UTRN: variants seen among roughly 807,000 people sequenced by gnomAD.
UTRN encodes the protein dystrophin-related protein 1.
A neutral mutation model predicts 463.9 loss-of-function variants in UTRN; 283 were observed. The observed-to-expected ratio is 0.61, with a 90% CI of 0.55 to 0.67. The LOEUF is 0.67. UTRN is among the 30% of genes least tolerant of loss of function. The pLI, the probability that UTRN is intolerant of heterozygous loss-of-function variation, is 0.00. For synonymous variants in UTRN, 1,442 were observed against 1,431.5 expected (o/e 1.01, Z -0.17); for missense variants, 3,922 against 4,084.3 (o/e 0.96, Z 1.08).
chr6:144,392,301 T>G (rs1482600304), intron 2 of UTRN, among the ~76,000 whole-genome samples: 5 of 152,214 alleles, frequency 3.3e-5, no homozygotes, highest in African/African-American at 4.8e-5. Flanking sequence ...GGAGAGGATT[T>G]AGTCTTATAA....
intron 51 of UTRN, among the ~76,000 whole-genome samples, chr6:144,670,296 T>A (rs180848057): frequency 4.8e-4 from 73 of 152,258 alleles, no homozygotes; most frequent in African/African-American, 1.5e-3. Flanking sequence ...TCTATTTTTT[T>A]TTATTTTTTA....
At chr6:144,454,510 G>T (rs560232243) in intron 19 of UTRN, among the ~76,000 whole-genome samples, 45 of 152,004 alleles carry the variant, frequency 3.0e-4, no homozygotes, top group African/African-American at 8.9e-4. Context: ...CATGTACGTT[G>T]GTCTAATAAT....
At chr6:144,797,351 G>A (rs186315270) in intron 63 of UTRN, among the ~76,000 whole-genome samples, 1 of 152,234 alleles carries the variant, frequency 6.6e-6, no homozygotes, top group Admixed American at 6.5e-5. Flanking sequence ...ACAAGGCCCA[G>A]CTAATTTTGT....
At chr6:144,577,480 A>G (rs1406511232) in intron 51 of UTRN, among the ~76,000 whole-genome samples, 192 bp downstream of exon 51, 1 of 152,202 alleles carries the variant, frequency 6.6e-6, no homozygotes. Context: ...TAGAGGGGAA[A>G]AAACCCACCT....
intron 53 of UTRN, among the ~76,000 whole-genome samples, chr6:144,726,132 A>C (rs749661316): frequency 2.7e-4 from 41 of 152,126 alleles, no homozygotes; most frequent in Non-Finnish European, 5.1e-4. Flanking sequence ...GAGACCTGAC[A>C]ATGATACATT....
At chr6:144,775,604 C>T (rs973010176) in intron 60 of UTRN, among the ~76,000 whole-genome samples, 26 of 152,104 alleles carry the variant, frequency 1.7e-4, no homozygotes, top group Admixed American at 1.4e-3. Flanking sequence ...GTTTGGTCTG[C>T]GCAGGAGTCC....
At position 144,458,979 on chromosome 6, in the gene UTRN, C is replaced by T; in HGVS notation, c.2494C>T (p.Gln832Ter). ...KHTSISESSR[Q>*]SLPSLKDSCQ... ...CACTTCCATTTCTGAATCTTCCCGG[C>T]AGTCCTTGCCAAGCTTGAAGGATTC... The change falls in exon 20 of 75, where the codon CAG becomes TAG. Residue 832 changes from glutamine to a stop codon, truncating the protein, a stop_gained. Transcript: ENST00000367545. LOFTEE classifies it high-confidence loss of function. 1 of 1,607,274 alleles carries T rather than the reference C, an allele frequency of 6.2e-7. No homozygotes were observed. Among genetic ancestry groups the T allele is most frequent in the Non-Finnish European group, 8.5e-7 (1 of 1,177,766 alleles).
chr6:144,308,438 T>C (rs60482526), intron 2 of UTRN, among the ~76,000 whole-genome samples: 12,001 of 152,112 alleles, frequency 0.079, 1,594 homozygotes, highest in African/African-American at 0.27. Flanking sequence ...TATAGGCATG[T>C]GCCACCACGC....
chr6:144,405,616 G>T (rs1230836853), intron 3 of UTRN, among the ~76,000 whole-genome samples: 1 of 152,108 alleles, frequency 6.6e-6, no homozygotes, highest in Non-Finnish European at 1.5e-5. Context: ...CTACAGTGTG[G>T]GTTCCTAAAC....
intron 42 of UTRN, among the ~76,000 whole-genome samples, chr6:144,532,513 A>T (rs998664717): frequency 6.6e-6 from 1 of 152,068 alleles, no homozygotes; most frequent in Non-Finnish European, 1.5e-5. Flanking sequence ...GAGGGTAACC[A>T]CCCCTGTGAT....
chr6:144,628,469 T>G (rs75757956), intron 51 of UTRN, among the ~76,000 whole-genome samples: 3,085 of 152,268 alleles, frequency 0.02, 94 homozygotes, highest in African/African-American at 0.066. Context: ...TTGGTTTCTA[T>G]CCCACAAGAA....
At chr6:144,460,300 G>T (rs4544928) in intron 21 of UTRN, among the ~76,000 whole-genome samples, 3,282 of 152,268 alleles carry the variant, frequency 0.022, 130 homozygotes, top group African/African-American at 0.075. Context: ...GCTGCCATTT[G>T]AGTTAGGAAC....
At chr6:144,341,296 A>G (rs1378527651) in intron 2 of UTRN, among the ~76,000 whole-genome samples, 1 of 152,204 alleles carries the variant, frequency 6.6e-6, no homozygotes, top group Non-Finnish European at 1.5e-5. Flanking sequence ...TTTAAAGTTA[A>G]TAGCCTTCTG....
chr6:144,366,401 C>A (rs1779510578), intron 2 of UTRN, among the ~76,000 whole-genome samples: 1 of 152,172 alleles, frequency 6.6e-6, no homozygotes. Context: ...TCCTTCCTCC[C>A]ATCTTCCAGC....
chr6:144,696,073 A>G (rs1783972329), intron 52 of UTRN, among the ~76,000 whole-genome samples: 1 of 152,306 alleles, frequency 6.6e-6, no homozygotes, highest in African/African-American at 2.4e-5. Flanking sequence ...GCACCTTTTT[A>G]AAAGCCCGTA....
chr6:144,594,095 A>G (rs1479084726), intron 51 of UTRN, among the ~76,000 whole-genome samples: 10 of 152,218 alleles, frequency 6.6e-5, no homozygotes, highest in African/African-American at 2.4e-4. Context: ...CAATATTTCA[A>G]GCAAAAATGA....
intron 2 of UTRN, among the ~76,000 whole-genome samples, chr6:144,326,450 G>A (rs1775979859): frequency 1.3e-5 from 2 of 152,120 alleles, no homozygotes; most frequent in African/African-American, 4.8e-5. Context: ...CATTGTGTGT[G>A]TGGCTGTAAA....
rs562954550 is a variant in UTRN at position 144,324,825 on chromosome 6, C to T, written c.79+32918C>T. 1.3e-4 allele frequency among the ~76,000 whole-genome samples: 20 copies of T among 152,246 alleles called. No individual in the cohort carries two copies. In the South Asian group the frequency reaches 3.9e-3, roughly 30 times the overall value. On this transcript the variant is annotated intron_variant, in intron 2 of 74. Coordinates refer to ENST00000367545, the MANE Select transcript of UTRN (RefSeq NM_007124.3). ...AATAACCATTGATGGGGAAGAAAGA[C>T]GATGGTGGAGTGGCTTTCTTATGCA...
intron 2 of UTRN, among the ~76,000 whole-genome samples, chr6:144,352,348 T>C (rs894862133): frequency 6.6e-6 from 1 of 152,298 alleles, no homozygotes; most frequent in Non-Finnish European, 1.5e-5. Context: ...TTGAAATGAA[T>C]TATTATATTT....
Sources: allele counts gnomAD v4.1 joint callset (sites outside exome capture counted in the v4.1 genomes callset), GRCh38; gene constraint gnomAD v4.1.1; transcripts MANE v1.5; gene names NCBI Gene and HGNC (gene_info 2026-07-23, HGNC 2026-07-21).